Variants in CD33 observed in about 807,000 individuals in gnomAD.
CD33 encodes the protein myeloid cell surface antigen CD33.
A neutral mutation model predicts 31.4 loss-of-function variants in CD33; 25 were observed. The ratio of observed to expected loss-of-function variants is 0.80; its 90% CI spans 0.58 to 1.11. The LOEUF (loss-of-function observed/expected upper bound fraction) is 1.11, where lower values mean the gene tolerates loss of function less well. Among genes scored for constraint, CD33 ranks in the 50% most tolerant of loss-of-function variants. The probability of loss-of-function intolerance (pLI) is 0.00; values close to 1 mark genes in which losing one functional copy is unlikely to be tolerated. For synonymous variants in CD33, 176 were observed against 180.6 expected, an observed-to-expected ratio of 0.97 and a Z score of 0.20; for missense variants, 407 against 448.1, an observed-to-expected ratio of 0.91 and a Z score of 0.83.
chr19:51,236,138 A>T (rs984963965), intron 6 of CD33: 4 of 402,000 alleles, frequency 1.0e-5, no homozygotes, highest in African/African-American at 8.2e-5. Flanking sequence ...AGCCTGGGTG[A>T]CAGAGAGAGA....
chr19:51,216,232 G>GTC, the CD33 span, among the ~76,000 whole-genome samples: 1 of 146,660 alleles, frequency 6.8e-6, no homozygotes, highest in African/African-American at 2.5e-5. Flanking sequence ...GAGTGTGTGT[G>GTC]TGTGTGTGTG....
Position 51,225,346 on chromosome 19 carries a change from G to A in CD33, c.166G>A (p.Val56Ile). 1.9e-6 allele frequency: 3 copies of A among 1,614,232 alleles called. No homozygotes were observed. Among genetic ancestry groups the A allele is most frequent in the Non-Finnish European group, 2.5e-6 (3 of 1,180,044 alleles). Residue 56 changes from valine (V) to isoleucine (I), a missense_variant, in exon 2 of 7, where the codon GTT becomes ATT. Val to Ile is a conservative substitution (Grantham distance 29). Coordinates refer to ENST00000262262, the MANE Select transcript of CD33 (RefSeq NM_001772.4). ...ACCCTACTACGACAAGAACTCCCCA[G>A]TTCATGGTTACTGGTTCCGGGAAGG... ...PIPYYDKNSP[V>I]HGYWFREGAI...
At chr19:51,211,184 G>A in the CD33 span, 47,102 of 1,582,586 alleles carry the variant, frequency 0.03, 2,215 homozygotes, top group African/African-American at 0.22. Context: ...GGGCTGGGCC[G>A]AGCTGACCCT....
chr19:51,229,833 C>T (rs971540723), intron 4 of CD33, among the ~76,000 whole-genome samples: 2 of 151,724 alleles, frequency 1.3e-5, no homozygotes, highest in African/African-American at 2.4e-5. Context: ...TTCCAAAAAG[C>T]GAACTTGTTC....
At chr19:51,226,203 C>T in intron 3 of CD33, 106 bp from the exon 4 acceptor site, 3 of 1,496,852 alleles carry the variant, frequency 2.0e-6, no homozygotes, top group East Asian at 2.3e-5. Flanking sequence ...GGACATGAGC[C>T]CTGTCCCTTC....
At chr19:51,217,072 G>T in the CD33 span, among the ~76,000 whole-genome samples, 1 of 152,176 alleles carries the variant, frequency 6.6e-6, no homozygotes, top group African/African-American at 2.4e-5. Flanking sequence ...GGCCACACAG[G>T]AACCTAGAGC....
upstream of CD33, among the ~76,000 whole-genome samples, chr19:51,220,129 G>C (rs1468009896): frequency 1.3e-5 from 2 of 152,112 alleles, no homozygotes; most frequent in African/African-American, 4.8e-5. Context: ...GAAACCATCT[G>C]GTCCTGGACT....
At chr19:51,227,331 G>C (rs1477426286) in intron 4 of CD33, among the ~76,000 whole-genome samples, 2 of 151,960 alleles carry the variant, frequency 1.3e-5, no homozygotes, top group Non-Finnish European at 2.9e-5. Flanking sequence ...TTTACATTCT[G>C]GTCAAAAGTA....
At chr19:51,237,409 TACATGAAATAG>T (rs1981874586) in intron 6 of CD33, 1 of 152,180 alleles carries the variant, frequency 6.6e-6, no homozygotes, top group South Asian at 2.1e-4. Context: ...AGTGCAAATA[TACATGAAATAG>T]GCATGAAATA....
intron 4 of CD33, among the ~76,000 whole-genome samples, chr19:51,228,428 T>G (rs1474540911): frequency 1.3e-5 from 2 of 152,178 alleles, no homozygotes; most frequent in African/African-American, 4.8e-5. Context: ...CCTCTTCAGT[T>G]TATTTCCTCA....
At chr19:51,224,615 C>G (rs1170241536), upstream of CD33, among the ~76,000 whole-genome samples, 1 of 152,174 alleles carries the variant, frequency 6.6e-6, no homozygotes, top group Non-Finnish European at 1.5e-5. Flanking sequence ...TGGCTGCCAC[C>G]TTCACTTTAC....
the CD33 span, among the ~76,000 whole-genome samples, chr19:51,217,366 G>A: frequency 2.6e-5 from 4 of 152,004 alleles, no homozygotes; most frequent in African/African-American, 4.8e-5. Context: ...TCACTCTTTC[G>A]AAACTCCAAT....
chr19:51,218,408 T>C, the CD33 span, among the ~76,000 whole-genome samples: 1 of 152,220 alleles, frequency 6.6e-6, no homozygotes, highest in Non-Finnish European at 1.5e-5. Flanking sequence ...TTCAGTTTCT[T>C]GTACATTCTG....
In CD33 at chr19:51,225,809, C is replaced by T. The variant is rs774513913; in HGVS notation, c.425C>T (p.Thr142Ile). Residue 142 changes from threonine to isoleucine, a missense_variant, in exon 3 of 7, where the codon ACC (threonine) becomes ATC (isoleucine). Transcript: ENST00000262262. ...CCCTCTTTCTCCTCACTAGACTTGACCCACAGGCCCAAAATCCTCATCCCT... is the reference window on the plus strand; with the variant it reads ...CCCTCTTTCTCCTCACTAGACTTGATCCACAGGCCCAAAATCCTCATCCCT... ...PQLSVHVTDL[T>I]HRPKILIPGT... is the part of the protein sequence containing the mutation. The T allele has an allele frequency of 1.2e-6, 2 of 1,613,514 alleles. No individual in the cohort carries two copies. The highest frequency in any genetic ancestry group is 1.7e-6 in the Non-Finnish European group (2 of 1,179,644).
chr19:51,226,414 G>A, intron 4 of CD33, 58 bp downstream of exon 4: 23 of 1,476,970 alleles, frequency 1.6e-5, no homozygotes, highest in Non-Finnish European at 1.8e-5. Flanking sequence ...TGTCAGGTTT[G>A]GTCAGATCTG....
Position 51,235,627 on chromosome 19 carries a change from C to T in CD33, c.875C>T (p.Thr292Ile). The T allele has an allele frequency of 6.2e-7, 1 of 1,614,042 alleles. No individual in the cohort carries two copies. Among genetic ancestry groups the T allele is most frequent in the East Asian group, 2.2e-5 (1 of 44,876 alleles). Reference protein sequence around the residue: ...VKTHRRKAARTAVGRNDTHPT... With the variant: ...VKTHRRKAARIAVGRNDTHPT... ...ACCCACAGGAGGAAAGCAGCCAGGACAGCAGTGGGCAGGAATGACACCCAC... is the reference window on the plus strand; with the variant it reads ...ACCCACAGGAGGAAAGCAGCCAGGATAGCAGTGGGCAGGAATGACACCCAC... The change falls in exon 6 of 7, where the codon ACA (threonine) becomes ATA (isoleucine). Residue 292 changes from threonine to isoleucine, a missense_variant. Transcript: ENST00000262262.
chr19:51,215,264 T>C, the CD33 span, among the ~76,000 whole-genome samples: 3 of 152,142 alleles, frequency 2.0e-5, no homozygotes, highest in Admixed American at 2.0e-4. Flanking sequence ...GAATTCCACA[T>C]GGTTCATTTG....
chr19:51,213,227 C>T, the CD33 span, among the ~76,000 whole-genome samples: 2,671 of 151,978 alleles, frequency 0.018, 22 homozygotes, highest in Middle Eastern at 0.037. Flanking sequence ...TTGTTGTGTC[C>T]GTGTAGTTTT....
chr19:51,223,297 T>C (rs1190601025), upstream of CD33, among the ~76,000 whole-genome samples: 1 of 152,166 alleles, frequency 6.6e-6, no homozygotes, highest in East Asian at 1.9e-4. Context: ...ACAACAGATA[T>C]TATTTACTGG....
Sources: allele counts gnomAD v4.1 joint callset (sites outside exome capture counted in the v4.1 genomes callset), GRCh38; gene constraint gnomAD v4.1.1; transcripts MANE v1.5; gene names NCBI Gene and HGNC (gene_info 2026-07-23, HGNC 2026-07-21).